KLHDC7B: variants seen among roughly 807,000 people sequenced by gnomAD.
KLHDC7B encodes the protein kelch domain-containing protein 7B.
KLHDC7B carries 1 observed loss-of-function variant against 0.6 expected under a neutral mutation model. The observed-to-expected ratio is 1.71, with a 90% CI of 0.61 to 8.11. The LOEUF (loss-of-function observed/expected upper bound fraction) is 8.11. Ranked by LOEUF, KLHDC7B falls within the 30% of genes most tolerant of loss-of-function variation. The probability of loss-of-function intolerance (pLI) is 0.13; values close to 1 mark genes in which losing one functional copy is unlikely to be tolerated. For synonymous variants in KLHDC7B, 462 were observed against 405.2 expected (o/e 1.14, Z -1.68); for missense variants, 993 against 894.9 (o/e 1.11, Z -1.40).
Position 50,549,429 on chromosome 22 carries a change from C to T in KLHDC7B, c.3186C>T (p.Tyr1062=), listed in dbSNP as rs930545178. 1.9e-6 allele frequency: 3 copies of T among 1,612,614 alleles called. No homozygotes were observed. The highest frequency in any genetic ancestry group is 1.7e-6 in the Non-Finnish European group (2 of 1,179,928). The change falls in exon 1 of 1, where the codon TAC becomes TAT. Residue 1062 remains tyrosine, a synonymous_variant. Coordinates refer to ENST00000648057, the MANE Select transcript of KLHDC7B (RefSeq NM_138433.5). ...AATGCCTGTACAGCATGGAGTGCTA[C>T]GACCCGCGAACAGACGCCTGGACCC... ...GGECLYSMEC[Y]DPRTDAWTPR... is the part of the protein sequence containing the mutation.
chr22:50,547,578 C>A lies in KLHDC7B; in HGVS notation c.1335C>A (p.Pro445=), dbSNP rs569974521. The change falls in exon 1 of 1, where the codon CCC becomes CCA. Residue 445 remains proline (P), a synonymous_variant. Transcript: ENST00000648057. ...TCCCCTCTCCTTCAGACTTTTTGCCCCTGGAGGTTACCCAGGATCCTTCCG... is the reference window on the plus strand; with the variant it reads ...TCCCCTCTCCTTCAGACTTTTTGCCACTGGAGGTTACCCAGGATCCTTCCG... ...LTLPSPSDFL[P]LEVTQDPSVG... is the part of the protein sequence containing the mutation. The A allele has an allele frequency of 4.9e-4, 195 of 400,412 alleles. 1 individual carries two copies. The highest frequency in any genetic ancestry group is 3.7e-3 in the African/African-American group (182 of 48,710). The allele number at this position is 400,412 out of a possible 1,614,324, so 24.8% of individuals were successfully genotyped here.
At position 50,546,567 on chromosome 22, in the gene KLHDC7B, T is replaced by G. The variant is rs1164963484; in HGVS notation, c.324T>G (p.Pro108=). The G allele has an allele frequency of 2.5e-6, 1 of 398,516 alleles. No individual in the cohort carries two copies. Among genetic ancestry groups the G allele is most frequent in the East Asian group, 3.6e-5 (1 of 28,058 alleles). The allele number at this position is 398,516 out of a possible 1,614,324, so 24.7% of individuals were successfully genotyped here. A position where few individuals can be genotyped will look rare whatever the true frequency, so the allele number is the denominator to read the frequency against. The change falls in exon 1 of 1, where the codon CCT becomes CCG. Residue 108 remains proline (P), a synonymous_variant. Coordinates refer to ENST00000648057, the MANE Select transcript of KLHDC7B (RefSeq NM_138433.5). ...PPGRGQQSPV[P]AAAPGGGLAA... ...GACGCGGCCAGCAGAGCCCTGTCCC[T>G]GCTGCAGCGCCGGGCGGGGGCCTGG...
In KLHDC7B at chr22:50,549,548, A is replaced by G. The variant is rs79342529; in HGVS notation, c.3305A>G (p.Tyr1102Cys). ...DIYVTGGHLFYRLLRYSPVKD... is the reference protein window; with the variant it reads ...DIYVTGGHLFCRLLRYSPVKD... ...TACGTCACCGGGGGTCACCTCTTCT[A>G]CCGCCTGCTCAGGTACAGCCCCGTG... Residue 1102 changes from tyrosine (Y) to cysteine (C), a missense_variant, in exon 1 of 1, where the codon TAC (tyrosine) becomes TGC (cysteine). Coordinates refer to ENST00000648057, the MANE Select transcript of KLHDC7B (RefSeq NM_138433.5). 1.2e-6 allele frequency: 2 copies of G among 1,600,358 alleles called. No individual in the cohort carries two copies. Among genetic ancestry groups the G allele is most frequent in the South Asian group, 2.2e-5 (2 of 89,628 alleles).
Position 50,549,933 on chromosome 22 carries a change from G to C in KLHDC7B, c.3690G>C (p.Arg1230=). The part of the protein sequence containing the change: ...PFILTLPPED[R]LQTSL ...TCCTGACTCTGCCCCCTGAGGACCG[G>C]CTGCAGACCTCACTCTGAGTGGCAG... The change falls in exon 1 of 1, where the codon CGG becomes CGC. Residue 1230 remains arginine (R), a synonymous_variant. Coordinates refer to ENST00000648057, the MANE Select transcript of KLHDC7B (RefSeq NM_138433.5). 2 of 1,569,450 alleles carry C rather than the reference G, an allele frequency of 1.3e-6. No homozygotes were observed. Among genetic ancestry groups the C allele is most frequent in the Non-Finnish European group, 1.7e-6 (2 of 1,152,824 alleles).
In KLHDC7B at chr22:50,548,988, G is replaced by A; in HGVS notation, c.2745G>A (p.Leu915=). Residue 915 remains leucine (L), a synonymous_variant, in exon 1 of 1, where the codon CTG becomes CTA. Transcript: ENST00000648057. This position sits in a 1 kb window ranked among gnomAD's most constrained non-coding sequence, Gnocchi z 5.3. The part of the protein sequence containing the change: ...SAADRERILS[L]RTGRGRAVLG... Reference sequence around the variant, plus strand: ...CCGACCGCGAGCGCATCCTCAGCCTGCGGACCGGCCGGGGCCGGGCGGTGC... The same window carrying A: ...CCGACCGCGAGCGCATCCTCAGCCTACGGACCGGCCGGGGCCGGGCGGTGC... 6.3e-7 allele frequency: 1 copy of A among 1,597,818 alleles called. No homozygotes were observed.
At position 50,549,252 on chromosome 22, in the gene KLHDC7B, C is replaced by T; in HGVS notation, c.3009C>T (p.Ile1003=). Residue 1003 remains isoleucine (I), a synonymous_variant, in exon 1 of 1, where the codon ATC becomes ATT. Transcript: ENST00000648057. The part of the protein sequence containing the change: ...MHNYLFLAGG[I]RGSGAKAVCS... ...ACTACCTGTTTCTGGCGGGGGGCATCCGTGGCTCCGGTGCCAAGGCCGTCT... is the reference window on the plus strand; with the variant it reads ...ACTACCTGTTTCTGGCGGGGGGCATTCGTGGCTCCGGTGCCAAGGCCGTCT... The T allele has an allele frequency of 6.2e-7, 1 of 1,610,480 alleles. No homozygotes were observed. Among genetic ancestry groups the T allele is most frequent in the Middle Eastern group, 1.7e-4 (1 of 6,060 alleles).
rs1251037748 is a variant in KLHDC7B at position 50,550,873 on chromosome 22, G to T, written c.*922G>T. On this transcript the variant is annotated 3_prime_UTR_variant, in exon 1 of 1. Transcript: ENST00000648057. Reference sequence around the variant, plus strand: ...TCCATGATGCGTTTTCTCCCCTTACGCACTTTGAAACCCATGCTAGAAAAG... The same window carrying T: ...TCCATGATGCGTTTTCTCCCCTTACTCACTTTGAAACCCATGCTAGAAAAG... The T allele has an allele frequency of 4.6e-6, 1 of 216,832 alleles. No individual in the cohort carries two copies. 13.4% of individuals were successfully genotyped at this position (216,832 alleles called of 1,614,324 possible). A position where few individuals can be genotyped will look rare whatever the true frequency, so the allele number is the denominator to read the frequency against.
At position 50,548,162 on chromosome 22, in the gene KLHDC7B, T is replaced by G; in HGVS notation, c.1919T>G (p.Ile640Ser). 6.7e-7 allele frequency: 1 copy of G among 1,500,612 alleles called. No homozygotes were observed. Among genetic ancestry groups the G allele is most frequent in the Non-Finnish European group, 8.9e-7 (1 of 1,119,746 alleles). The allele number at this position is 1,500,612 out of a possible 1,614,324, so 93.0% of individuals were successfully genotyped here. A position where few individuals can be genotyped will look rare whatever the true frequency, so the allele number is the denominator to read the frequency against. ...GQVSASWGNLIAMVLRSHPFP... is the reference protein window; with the variant it reads ...GQVSASWGNLSAMVLRSHPFP... ...GTCTCAGCCAGCTGGGGAAACCTTA[T>G]TGCCATGGTTCTTAGAAGCCACCCC... The change falls in exon 1 of 1, where the codon ATT (isoleucine) becomes AGT (serine). Residue 640 changes from isoleucine (I) to serine (S), a missense_variant. Transcript: ENST00000648057. The surrounding 1 kb of genome is among the most constrained non-coding windows in gnomAD (Gnocchi z 5.3).
rs1411110397 is a variant in KLHDC7B, at chr22:50,548,485, C to T, written c.2242C>T (p.Pro748Ser). 7.6e-6 allele frequency: 12 copies of T among 1,570,488 alleles called. No individual in the cohort carries two copies. The highest frequency in any genetic ancestry group is 1.3e-5 in the African/African-American group (1 of 74,134). Residue 748 changes from proline (P) to serine (S), a missense_variant, in exon 1 of 1, where the codon CCC becomes TCC. By Grantham distance (74) the Pro-to-Ser change is moderately conservative (BLOSUM62 -1). Transcript: ENST00000648057. This position sits in a 1 kb window ranked among gnomAD's most constrained non-coding sequence, Gnocchi z 5.3. ...QAAMPRGPAQ[P>S]PAQRPPGPAA... ...CGCGATGCCCAGGGGCCCCGCACAGCCCCCCGCGCAGAGGCCGCCTGGCCC... is the reference window on the plus strand; with the variant it reads ...CGCGATGCCCAGGGGCCCCGCACAGTCCCCCGCGCAGAGGCCGCCTGGCCC...
chr22:50,549,250 A>G lies in KLHDC7B; in HGVS notation c.3007A>G (p.Ile1003Val), dbSNP rs756445154. The change falls in exon 1 of 1, where the codon ATC becomes GTC. Residue 1003 changes from isoleucine to valine, a missense_variant. Physicochemically the swap from Ile to Val is conservative, Grantham distance 29 (BLOSUM62 3). Transcript: ENST00000648057. ...MHNYLFLAGG[I>V]RGSGAKAVCS... ...CAACTACCTGTTTCTGGCGGGGGGC[A>G]TCCGTGGCTCCGGTGCCAAGGCCGT... The G allele has an allele frequency of 6.2e-7, 1 of 1,610,376 alleles. No individual in the cohort carries two copies. The highest frequency in any genetic ancestry group is 1.7e-5 in the Admixed American group (1 of 60,020).
In KLHDC7B at chr22:50,549,672, G is replaced by C. The variant is rs1169125290; in HGVS notation, c.3429G>C (p.Arg1143=). 1.9e-6 allele frequency: 3 copies of C among 1,554,470 alleles called. No homozygotes were observed. The South Asian group carries it at 3.6e-5, about 19-fold the overall frequency. The stretch of plus-strand genomic sequence containing the variant: ...TCCTGTACCGCTTCGACCTGCTGCG[G>C]GGCGTGGGCGCCGCCGTGATGCGCT... ...GGFLYRFDLL[R]GVGAAVMRYN... Residue 1143 remains arginine (R), a synonymous_variant, in exon 1 of 1, where the codon CGG becomes CGC. Transcript: ENST00000648057.
In KLHDC7B at chr22:50,547,710, C is replaced by G. The variant is rs571042510; in HGVS notation, c.1467C>G (p.Ser489Arg). Residue 489 changes from serine to arginine, a missense_variant, in exon 1 of 1, where the codon AGC becomes AGG. Coordinates refer to ENST00000648057, the MANE Select transcript of KLHDC7B (RefSeq NM_138433.5). Reference sequence around the variant, plus strand: ...CCCCAGCCCTGGCTTCATCCCCCAGCTCAGCACCAACCTCAGCCACCACCT... The same window carrying G: ...CCCCAGCCCTGGCTTCATCCCCCAGGTCAGCACCAACCTCAGCCACCACCT... ...VLAPALASSPSSAPTSATTST... is the reference protein window; with the variant it reads ...VLAPALASSPRSAPTSATTST... The G allele has an allele frequency of 4.1e-4, 193 of 466,984 alleles. No homozygotes were observed. The South Asian group carries it at 7.5e-3, about 18-fold the overall frequency. 28.9% of individuals were successfully genotyped at this position (466,984 alleles called of 1,614,324 possible).
rs1160340948 is a variant in KLHDC7B, at chr22:50,549,571, G to A, written c.3328G>A (p.Val1110Met). 4.4e-6 allele frequency: 7 copies of A among 1,581,654 alleles called. No homozygotes were observed. In the South Asian group the frequency reaches 5.7e-5, roughly 13 times the overall value. Reference sequence around the variant, plus strand: ...CTACCGCCTGCTCAGGTACAGCCCCGTGAAGGATGCTTGGGACGAGTGCCC... The same window carrying A: ...CTACCGCCTGCTCAGGTACAGCCCCATGAAGGATGCTTGGGACGAGTGCCC... ...LFYRLLRYSPVKDAWDECPYS... is the reference protein window; with the variant it reads ...LFYRLLRYSPMKDAWDECPYS... The change falls in exon 1 of 1, where the codon GTG becomes ATG. Residue 1110 changes from valine (V) to methionine (M), a missense_variant. By Grantham distance (21) the Val-to-Met change is conservative (BLOSUM62 1). Coordinates refer to ENST00000648057, the MANE Select transcript of KLHDC7B (RefSeq NM_138433.5).
Position 50,548,998 on chromosome 22 carries a change from C to T in KLHDC7B, c.2755C>T (p.Arg919Trp), listed in dbSNP as rs947371189. Residue 919 changes from arginine (R) to tryptophan (W), a missense_variant, in exon 1 of 1, where the codon CGG (arginine) becomes TGG (tryptophan). Transcript: ENST00000648057. This position sits in a 1 kb window ranked among gnomAD's most constrained non-coding sequence, Gnocchi z 5.3. ...GCGCATCCTCAGCCTGCGGACCGGC[C>T]GGGGCCGGGCGGTGCTGGGCGTCCT... ...RERILSLRTG[R>W]GRAVLGVLVL... The T allele has an allele frequency of 1.9e-6, 3 of 1,595,700 alleles. No individual in the cohort carries two copies. Among genetic ancestry groups the T allele is most frequent in the South Asian group, 1.1e-5 (1 of 90,176 alleles).
In KLHDC7B at chr22:50,550,119, A is replaced by G; in HGVS notation, c.*168A>G. The G allele has an allele frequency of 1.5e-6, 1 of 688,814 alleles. No individual in the cohort carries two copies. Among genetic ancestry groups the G allele is most frequent in the African/African-American group, 1.8e-5 (1 of 54,916 alleles). The allele number at this position is 688,814 out of a possible 1,614,324, so 42.7% of individuals were successfully genotyped here. ...AAGGTTGTCGATTATTTTGAAGCCC[A>G]GACTCCCTCAGCCTCTTTCTGCCCC... On this transcript the variant is annotated 3_prime_UTR_variant, in exon 1 of 1. Transcript: ENST00000648057.
At position 50,547,883 on chromosome 22, in the gene KLHDC7B, TAAC is replaced by T. The variant is rs2069749570; in HGVS notation, c.1641_1643del (p.Thr548del). On this transcript the variant is annotated inframe_deletion, in exon 1 of 1. Coordinates refer to ENST00000648057, the MANE Select transcript of KLHDC7B (RefSeq NM_138433.5). ...ACCCTCACACCCCCATCCCCAGCCC[TAAC>T]CCCAGTCCCAACCCCAGCCCTAAGC... is the stretch of plus-strand genomic sequence containing the variant. 1 of 86,196 alleles carries T rather than the reference TAAC, an allele frequency of 1.2e-5. No homozygotes were observed. The highest frequency in any genetic ancestry group is 1.9e-5 in the Non-Finnish European group (1 of 53,922). 5.3% of individuals were successfully genotyped at this position (86,196 alleles called of 1,614,324 possible). A position where few individuals can be genotyped will look rare whatever the true frequency, so the allele number is the denominator to read the frequency against.
chr22:50,548,423 G>C lies in KLHDC7B; in HGVS notation c.2180G>C (p.Gly727Ala). 1.3e-6 allele frequency: 2 copies of C among 1,571,716 alleles called. No homozygotes were observed. The highest frequency in any genetic ancestry group is 1.7e-6 in the Non-Finnish European group (2 of 1,158,674). The change falls in exon 1 of 1, where the codon GGA becomes GCA. Residue 727 changes from glycine (G) to alanine (A), a missense_variant. Physicochemically the swap from Gly to Ala is moderately conservative, Grantham distance 60. Transcript: ENST00000648057. This position sits in a 1 kb window ranked among gnomAD's most constrained non-coding sequence, Gnocchi z 5.3. ...CCTCCCCCAGGCCTAAGAGGAGAGG[G>C]AACCAGGGAGAAAAGTCTAGACCCG... ...PDPPPGLRGE[G>A]TREKSLDPLP...
At position 50,549,898 on chromosome 22, in the gene KLHDC7B, AG is replaced by A. The variant is rs1395896405; in HGVS notation, c.1733del (p.Ser578IlefsTer5). The A allele has an allele frequency of 6.3e-7, 1 of 1,589,948 alleles. No individual in the cohort carries two copies. The highest frequency in any genetic ancestry group is 1.3e-5 in the African/African-American group (1 of 74,428). On this transcript the variant is annotated frameshift_variant, in exon 1 of 1. Coordinates refer to the KLHDC7B transcript ENST00000395676. LOFTEE classifies it high-confidence loss of function. Reference sequence around the variant, plus strand: ...CCCCTTGGGGAGCACCGGGGTCCTCAGTCCATTCATCCTGACTCTGCCCCCT... The same window carrying A: ...CCCCTTGGGGAGCACCGGGGTCCTCATCCATTCATCCTGACTCTGCCCCCT...
chr22:50,548,856 C>T lies in KLHDC7B; in HGVS notation c.2613C>T (p.Ala871=). 1 of 1,556,056 alleles carries T rather than the reference C, an allele frequency of 6.4e-7. No individual in the cohort carries two copies. The highest frequency in any genetic ancestry group is 2.4e-5 in the East Asian group (1 of 41,434). ...GTTGCCTGGACGTGCTGGCCTTTGC[C>T]CAGCAGCACGGAGAGCCCGGCCTGG... The part of the protein sequence containing the change: ...LGSCLDVLAF[A]QQHGEPGLAQ... Residue 871 remains alanine, a synonymous_variant, in exon 1 of 1, where the codon GCC becomes GCT. Transcript: ENST00000648057. This position sits in a 1 kb window ranked among gnomAD's most constrained non-coding sequence, Gnocchi z 5.3.
Sources: allele counts gnomAD v4.1 joint callset, GRCh38; gene constraint gnomAD v4.1.1; non-coding constraint Gnocchi (gnomAD v3.1); transcripts MANE v1.5; gene names NCBI Gene and HGNC (gene_info 2026-07-23, HGNC 2026-07-21).